Variants in TP73 observed in about 807,000 individuals in gnomAD.
TP73 encodes the protein tumor protein p73, also known as p53-like transcription factor.
TP73 carries 25 observed loss-of-function variants against 62.5 expected under a neutral mutation model. That is an observed-to-expected ratio of 0.40 (90% CI 0.29 to 0.56). The LOEUF is 0.56. Among genes scored for constraint, TP73 ranks in the 20% least tolerant of loss-of-function variants. The pLI is 0.46. For missense variants in TP73, 754 were observed against 913.3 expected, an observed-to-expected ratio of 0.83 and a Z score of 2.25; for synonymous variants, 423 against 377.5, an observed-to-expected ratio of 1.12 and a Z score of -1.40.
At chr1:3,655,516 G>A (rs964315851) in intron 1 of TP73, among the ~76,000 whole-genome samples, 4 of 152,186 alleles carry the variant, frequency 2.6e-5, no homozygotes, top group African/African-American at 7.2e-5. Context: ...TTATTTCCTC[G>A]TGATTTTGCT....
intron 3 of TP73, among the ~76,000 whole-genome samples, chr1:3,685,775 C>A (rs565524653): frequency 6.6e-6 from 1 of 152,172 alleles, no homozygotes; most frequent in South Asian, 2.1e-4. Context: ...AAGTTCAGCC[C>A]AGGAGCTCAG....
chr1:3,732,616 C>A, intron 13 of TP73, 131 bp from the exon 14 acceptor site: 2 of 795,998 alleles, frequency 2.5e-6, no homozygotes, highest in Non-Finnish European at 3.9e-6. Context: ...CCCCCTCCCC[C>A]GTCTCCTGCC....
chr1:3,703,905 A>C (rs1316961788), intron 3 of TP73, among the ~76,000 whole-genome samples: 1 of 152,142 alleles, frequency 6.6e-6, no homozygotes, highest in East Asian at 1.9e-4. Flanking sequence ...CCGGGCCCAA[A>C]ACAGGGAAGA....
chr1:3,699,849 G>A lies in TP73; in HGVS notation c.187-7700G>A, dbSNP rs913989919. On this transcript the variant is annotated intron_variant, in intron 3 of 13. Transcript: ENST00000378295. This position sits in a 1 kb window ranked among gnomAD's most constrained non-coding sequence, Gnocchi z 4.1. The stretch of plus-strand genomic sequence containing the variant: ...TGACATCCCTACTACGCTTTTTCAC[G>A]TGCCTCCCTCTCTGACTCGGATCCT... Among the ~76,000 whole-genome samples, 3 of 152,084 alleles carry A rather than the reference G, an allele frequency of 2.0e-5. No homozygotes were observed. Among genetic ancestry groups the A allele is most frequent in the East Asian group, 1.9e-4 (1 of 5,172 alleles).
At chr1:3,710,876 G>T (rs1640085620) in intron 4 of TP73, among the ~76,000 whole-genome samples, 1 of 152,226 alleles carries the variant, frequency 6.6e-6, no homozygotes, top group Non-Finnish European at 1.5e-5. Flanking sequence ...ACTGCCCAGG[G>T]TTCTAGTAGC....
intron 1 of TP73, among the ~76,000 whole-genome samples, chr1:3,667,621 G>A (rs1166913187): frequency 3.9e-5 from 6 of 152,082 alleles, no homozygotes; most frequent in South Asian, 2.1e-4. Flanking sequence ...GTGGTGGCAC[G>A]TGCCTGTAGT....
At chr1:3,683,270 G>A (rs908523473) in intron 3 of TP73, 90 bp downstream of exon 3, 2 of 1,476,882 alleles carry the variant, frequency 1.4e-6, no homozygotes, top group African/African-American at 1.4e-5. Context: ...AGAACCAGGA[G>A]ATAGCCTCTT....
At chr1:3,722,329 C>A in intron 5 of TP73, 122 bp downstream of exon 5, 1 of 1,237,536 alleles carries the variant, frequency 8.1e-7, no homozygotes, top group Non-Finnish European at 1.1e-6. Flanking sequence ...CATTCCCCTG[C>A]GGAGGGCTTT....
chr1:3,721,186 G>A (rs1273269826), intron 4 of TP73, among the ~76,000 whole-genome samples: 3 of 152,264 alleles, frequency 2.0e-5, no homozygotes, highest in Admixed American at 2.0e-4. Flanking sequence ...GCCGGCCTGG[G>A]TCCTCAGATG....
intron 4 of TP73, 30 bp from the exon 5 acceptor site, chr1:3,721,991 G>T (rs755793232): frequency 1.3e-6 from 2 of 1,576,402 alleles, no homozygotes; most frequent in Admixed American, 1.8e-5. Flanking sequence ...GGGACCACTG[G>T]TCTCACCCGC....
At chr1:3,702,845 T>G (rs979875473) in intron 3 of TP73, among the ~76,000 whole-genome samples, 1 of 152,210 alleles carries the variant, frequency 6.6e-6, no homozygotes. Context: ...AAAAAAGTCC[T>G]GGTTGTGCCC....
At position 3,656,982 on chromosome 1, in the gene TP73, T is replaced by G. The variant is rs1277244926; in HGVS notation, c.-34+4341T>G. Reference sequence around the variant, plus strand: ...CAGCATCTTAAAAAGTGGTTTGTGCTTGTCGCTCCGTTGCAATTATGGCGG... The same window carrying G: ...CAGCATCTTAAAAAGTGGTTTGTGCGTGTCGCTCCGTTGCAATTATGGCGG... On this transcript the variant is annotated intron_variant, in intron 1 of 13. Coordinates refer to ENST00000378295, the MANE Select transcript of TP73 (RefSeq NM_005427.4). Among the ~76,000 whole-genome samples the G allele has an allele frequency of 1.2e-4, 18 of 152,272 alleles. 1 individual carries two copies. Among genetic ancestry groups the G allele is most frequent in the Admixed American group, 1.2e-3 (18 of 15,288 alleles).
At chr1:3,715,771 G>A (rs369960544) in intron 4 of TP73, among the ~76,000 whole-genome samples, 1 of 152,020 alleles carries the variant, frequency 6.6e-6, no homozygotes, top group African/African-American at 2.4e-5. Context: ...TGTGGCCCTC[G>A]TCTCCTACTG....
At chr1:3,719,139 G>T (rs1182731420) in intron 4 of TP73, among the ~76,000 whole-genome samples, 1 of 152,166 alleles carries the variant, frequency 6.6e-6, no homozygotes, top group African/African-American at 2.4e-5. Context: ...GTTTCAAGGG[G>T]GGTCTGCCGC....
chr1:3,732,120 AG>A (rs1642178105), intron 13 of TP73, among the ~76,000 whole-genome samples: 1 of 152,216 alleles, frequency 6.6e-6, no homozygotes, highest in African/African-American at 2.4e-5. Context: ...CCGTCAGTCA[AG>A]GAAGAGCAAG....
chr1:3,720,511 A>G (rs1640984120), intron 4 of TP73, among the ~76,000 whole-genome samples: 2 of 152,212 alleles, frequency 1.3e-5, no homozygotes, highest in Admixed American at 1.3e-4. Context: ...GGGACAGACC[A>G]GCGTTCCTGG....
intron 1 of TP73, among the ~76,000 whole-genome samples, chr1:3,658,125 G>A (rs1355802296): frequency 1.3e-5 from 2 of 152,242 alleles, no homozygotes; most frequent in Admixed American, 1.3e-4. Flanking sequence ...CCCTGCTGGG[G>A]CCAGAGCAAG....
chr1:3,699,868 G>A lies in TP73; in HGVS notation c.187-7681G>A, dbSNP rs374246626. Reference sequence around the variant, plus strand: ...TTTCACGTGCCTCCCTCTCTGACTCGGATCCTAAGTGATTAGGATCAGAGG... The same window carrying A: ...TTTCACGTGCCTCCCTCTCTGACTCAGATCCTAAGTGATTAGGATCAGAGG... On this transcript the variant is annotated intron_variant, in intron 3 of 13. Coordinates refer to ENST00000378295, the MANE Select transcript of TP73 (RefSeq NM_005427.4). This position sits in a 1 kb window ranked among gnomAD's most constrained non-coding sequence, Gnocchi z 4.1. Among the ~76,000 whole-genome samples the A allele has an allele frequency of 2.0e-5, 3 of 152,026 alleles. No individual in the cohort carries two copies. The highest frequency in any genetic ancestry group is 4.4e-5 in the Non-Finnish European group (3 of 67,994).
intron 3 of TP73, chr1:3,697,976 C>A: frequency 3.4e-6 from 2 of 596,906 alleles, no homozygotes; most frequent in Non-Finnish European, 4.2e-6. Context: ...CCTCCCCCTC[C>A]CTGTACCCTG....
Sources: gnomAD v4.1 joint callset for allele counts (sites outside exome capture counted in the v4.1 genomes callset) on GRCh38, gnomAD v4.1.1 for gene constraint, Gnocchi (gnomAD v3.1) non-coding constraint, MANE v1.5 for transcripts, NCBI Gene and HGNC (gene_info 2026-07-23, HGNC 2026-07-21) for gene names.